The following TMEM117 variants were observed in gnomAD, a reference collection of about 807,000 sequenced individuals.
TMEM117 encodes the protein transmembrane protein 117.
A neutral mutation model predicts 52.4 loss-of-function variants in TMEM117; 27 were observed. The ratio of observed to expected loss-of-function variants is 0.51; its 90% CI spans 0.38 to 0.71. TMEM117 has a LOEUF of 0.71. TMEM117 is among the 30% of genes least tolerant of loss of function. TMEM117 has a pLI of 0.00. For missense variants in TMEM117, 556 were observed against 630.5 expected (o/e 0.88, Z 1.26); for synonymous variants, 215 against 206.3 (o/e 1.04, Z -0.36).
At chr12:44,065,764 C>G (rs1040355954) in intron 3 of TMEM117, among the ~76,000 whole-genome samples, 2 of 152,260 alleles carry the variant, frequency 1.3e-5, no homozygotes, top group African/African-American at 4.8e-5. Context: ...AAGAATCCCA[C>G]TCGTGTACAG....
chr12:43,802,707 T>A, the TMEM117 span, among the ~76,000 whole-genome samples: 2 of 152,064 alleles, frequency 1.3e-5, no homozygotes, highest in East Asian at 1.9e-4. Context: ...AAGAAACATA[T>A]AAAAATGATC....
At chr12:44,387,941 A>G in intron 7 of TMEM117, 85 bp from the exon 8 acceptor site, 1 of 1,191,700 alleles carries the variant, frequency 8.4e-7, no homozygotes. Flanking sequence ...TGATGTTATT[A>G]TACCATTATC....
At chr12:43,824,958 A>G in the TMEM117 span, among the ~76,000 whole-genome samples, 1 of 152,152 alleles carries the variant, frequency 6.6e-6, no homozygotes, top group East Asian at 1.9e-4. Flanking sequence ...CAAAACAAAA[A>G]GAAAACCCTG....
chr12:44,087,436 GTA>G (rs1274376592), intron 3 of TMEM117, among the ~76,000 whole-genome samples: 1 of 135,008 alleles, frequency 7.4e-6, no homozygotes, highest in African/African-American at 3.4e-5. Flanking sequence ...TTCTATGTGT[GTA>G]TGTATGTATG....
chr12:44,379,520 G>A lies in TMEM117; in HGVS notation c.898+2796G>A, dbSNP rs1020643311. ...ACAGGTTTGGAGGTTGAAGCAGTCT[G>A]AGCTTTTCTCTCTTGCTTTTGTTCT... is the stretch of plus-strand genomic sequence containing the variant. On this transcript the variant is annotated intron_variant, in intron 7 of 7. Coordinates refer to ENST00000266534, the MANE Select transcript of TMEM117 (RefSeq NM_032256.3). 2.6e-5 allele frequency among the ~76,000 whole-genome samples: 4 copies of A among 152,172 alleles called. No homozygotes were observed. In the East Asian group the frequency reaches 5.8e-4, roughly 22 times the overall value.
chr12:44,289,415 G>A (rs1300582705), intron 5 of TMEM117, among the ~76,000 whole-genome samples: 1 of 151,952 alleles, frequency 6.6e-6, no homozygotes, highest in Admixed American at 6.6e-5. Context: ...TTCAGAAGTG[G>A]ATTTGCTGGA....
chr12:44,040,781 G>A (rs1487423565), intron 3 of TMEM117, among the ~76,000 whole-genome samples: 1 of 152,102 alleles, frequency 6.6e-6, no homozygotes, highest in African/African-American at 2.4e-5. Context: ...GACAAAATAA[G>A]TTTTCTTTTA....
chr12:43,870,869 C>T (rs993144993), intron 2 of TMEM117, among the ~76,000 whole-genome samples: 3 of 152,208 alleles, frequency 2.0e-5, no homozygotes, highest in Admixed American at 2.0e-4. Context: ...ACTGCAACCT[C>T]TGCCTCCTGG....
At chr12:43,884,321 G>A (rs1028195293) in intron 2 of TMEM117, among the ~76,000 whole-genome samples, 3 of 151,818 alleles carry the variant, frequency 2.0e-5, no homozygotes, top group African/African-American at 7.3e-5. Context: ...ATCAGTATAT[G>A]AAATAGTATA....
intron 6 of TMEM117, among the ~76,000 whole-genome samples, chr12:44,355,803 G>A (rs1384865440): frequency 1.3e-5 from 2 of 152,106 alleles, no homozygotes; most frequent in Middle Eastern, 3.4e-3. Context: ...AACAGTGATG[G>A]CAGCAAGAGG....
Position 43,944,195 on chromosome 12 carries a change from A to G in TMEM117, c.278-15A>G. On this transcript the variant is annotated splice_polypyrimidine_tract_variant and intron_variant, in intron 2 of 7. Transcript: ENST00000266534. ...TTACAGTGTACATTAATTTTTAATA[A>G]TATTTGTATTTCAGGTCAGTTGCTC... is the stretch of plus-strand genomic sequence containing the variant. The G allele has an allele frequency of 1.2e-6, 2 of 1,600,328 alleles. No homozygotes were observed. The highest frequency in any genetic ancestry group is 8.5e-7 in the Non-Finnish European group (1 of 1,174,112).
intron 3 of TMEM117, among the ~76,000 whole-genome samples, chr12:44,120,113 T>C (rs1200615360): frequency 2.0e-5 from 3 of 152,042 alleles, no homozygotes; most frequent in African/African-American, 7.2e-5. Context: ...CTGGTGCCCA[T>C]GAAGGTGTGT....
rs1448577631 is a variant in TMEM117, at chr12:43,982,122, T to C, written c.410+37780T>C. Reference sequence around the variant, plus strand: ...TATCAAAACACTAAATTGTACCCTGTAAATATGTAGAATTACAATATGCCA... The same window carrying C: ...TATCAAAACACTAAATTGTACCCTGCAAATATGTAGAATTACAATATGCCA... On this transcript the variant is annotated intron_variant, in intron 3 of 7. Coordinates refer to ENST00000266534, the MANE Select transcript of TMEM117 (RefSeq NM_032256.3). Among the ~76,000 whole-genome samples, 8 of 152,336 alleles carry C rather than the reference T, an allele frequency of 5.3e-5. No individual in the cohort carries two copies. The East Asian group carries it at 1.5e-3, about 29-fold the overall frequency.
At chr12:44,152,453 A>T (rs1431400547) in intron 4 of TMEM117, among the ~76,000 whole-genome samples, 3 of 115,468 alleles carry the variant, frequency 2.6e-5, no homozygotes, top group Non-Finnish European at 4.8e-5. Context: ...ATAATATAAA[A>T]ATTTTTATAT....
At chr12:44,315,184 G>A (rs954279431) in intron 6 of TMEM117, among the ~76,000 whole-genome samples, 4 of 151,948 alleles carry the variant, frequency 2.6e-5, no homozygotes, top group Admixed American at 6.6e-5. Flanking sequence ...GTCTTGTTTC[G>A]TCTTTCAGAG....
At chr12:44,155,938 C>T (rs1038874849) in intron 4 of TMEM117, among the ~76,000 whole-genome samples, 20 of 152,092 alleles carry the variant, frequency 1.3e-4, no homozygotes, top group Admixed American at 9.2e-4. Flanking sequence ...ATGTCTCTAT[C>T]GCACCCTTAA....
intron 2 of TMEM117, among the ~76,000 whole-genome samples, chr12:43,891,214 T>C (rs187288725): frequency 1.3e-5 from 2 of 152,156 alleles, no homozygotes; most frequent in Admixed American, 1.3e-4. Context: ...GTGCATACCA[T>C]GTGTTAGGTA....
At chr12:44,152,481 AT>A (rs1948756012) in intron 4 of TMEM117, among the ~76,000 whole-genome samples, 1 of 117,194 alleles carries the variant, frequency 8.5e-6, no homozygotes, top group Admixed American at 1.0e-4. Flanking sequence ...TATATCATAT[AT>A]AAATTTTTAT....
intron 5 of TMEM117, among the ~76,000 whole-genome samples, chr12:44,290,790 A>G (rs1238025084): frequency 6.6e-6 from 1 of 152,112 alleles, no homozygotes; most frequent in African/African-American, 2.4e-5. Flanking sequence ...AGCATGCACC[A>G]TCAGCCCCAG....
Sources: allele counts gnomAD v4.1 joint callset (sites outside exome capture counted in the v4.1 genomes callset), GRCh38; gene constraint gnomAD v4.1.1; transcripts MANE v1.5; gene names NCBI Gene and HGNC (gene_info 2026-07-23, HGNC 2026-07-21).